The following SLC28A1 variants were observed in gnomAD, a reference collection of about 807,000 sequenced individuals.
SLC28A1 encodes sodium/nucleoside cotransporter 1.
SLC28A1 carries 64 observed loss-of-function variants against 74.8 expected under a neutral mutation model. The observed-to-expected ratio is 0.86, with a 90% CI of 0.70 to 1.05. The LOEUF (loss-of-function observed/expected upper bound fraction) is 1.05. Ranked by LOEUF, SLC28A1 falls within the 50% of genes least tolerant of loss-of-function variation. SLC28A1 has a pLI of 0.00. For missense variants in SLC28A1, 828 were observed against 822.8 expected (o/e 1.01, Z -0.08); for synonymous variants, 359 against 335.0 (o/e 1.07, Z -0.78).
rs1971526788 is a variant in SLC28A1, at chr15:84,933,328, G to T, written c.1214+53G>T. ...AGGGTAGTGGTACAAGGTGGGGGGA[G>T]CAAAGCAGAGGGTCCCGTTCTCTCT... On this transcript the variant is annotated intron_variant, in intron 13 of 18. Transcript: ENST00000394573. The T allele has an allele frequency of 4.4e-6, 7 of 1,594,752 alleles. No homozygotes were observed. In the South Asian group the frequency reaches 7.8e-5, roughly 18 times the overall value.
chr15:84,902,734 T>G (rs1966807784), intron 6 of SLC28A1, among the ~76,000 whole-genome samples: 1 of 150,650 alleles, frequency 6.6e-6, no homozygotes, highest in Admixed American at 6.6e-5. Context: ...CATTTAAGTT[T>G]TTTTTTTTTT....
chr15:84,895,427 A>G, intron 6 of SLC28A1: 1 of 1,613,946 alleles, frequency 6.2e-7, no homozygotes, highest in Non-Finnish European at 8.5e-7. Flanking sequence ...CCTCCCTCAG[A>G]TCACCTGGAC....
the SLC28A1 span, among the ~76,000 whole-genome samples, chr15:84,962,123 G>A: frequency 6.6e-6 from 1 of 152,074 alleles, no homozygotes; most frequent in Non-Finnish European, 1.5e-5. Context: ...CACCCAGGCT[G>A]GAGTGCAATG....
the SLC28A1 span, among the ~76,000 whole-genome samples, chr15:84,956,468 C>CTTTCT: frequency 3.0e-5 from 2 of 67,126 alleles, no homozygotes; most frequent in Non-Finnish European, 6.8e-5. Context: ...TCTTTCTTTC[C>CTTTCT]TTCTTTCTTT....
At chr15:84,946,112 A>ATATATATATTTTTTTTTT (rs57190791), downstream of SLC28A1, among the ~76,000 whole-genome samples, 4 of 13,474 alleles carry the variant, frequency 3.0e-4, no homozygotes, top group Non-Finnish European at 3.5e-4. Flanking sequence ...ATATATATAT[A>ATATATATATTTTTTTTTT]TTTTTTTTTT....
At chr15:84,964,528 G>A in the SLC28A1 span, among the ~76,000 whole-genome samples, 10 of 152,200 alleles carry the variant, frequency 6.6e-5, no homozygotes, top group African/African-American at 2.2e-4. Flanking sequence ...ATAGAAAATG[G>A]TTTACATGAT....
intron 7 of SLC28A1, among the ~76,000 whole-genome samples, chr15:84,904,770 GATGTGTACTAAATTCTGATGTGTACT>G (rs1453235479): frequency 3.6e-4 from 1 of 2,768 alleles, no homozygotes; most frequent in Non-Finnish European, 6.7e-4. Flanking sequence ...GCACAATTCT[GATGTGTACTAAATTCTGATGTGTACT>G]AAATTCTGAT....
At chr15:84,946,774 G>A (rs1165392757), downstream of SLC28A1, among the ~76,000 whole-genome samples, 2 of 152,052 alleles carry the variant, frequency 1.3e-5, no homozygotes, top group Non-Finnish European at 2.9e-5. Context: ...GGTGAGGCCC[G>A]ATGTCCCTCC....
At chr15:84,942,032 T>G (rs1231009308) in intron 15 of SLC28A1, among the ~76,000 whole-genome samples, 3 of 152,166 alleles carry the variant, frequency 2.0e-5, no homozygotes, top group African/African-American at 7.2e-5. Context: ...CTTGTAACTA[T>G]ATTTATTATC....
At chr15:84,960,887 C>T in the SLC28A1 span, among the ~76,000 whole-genome samples, 3 of 151,992 alleles carry the variant, frequency 2.0e-5, no homozygotes, top group South Asian at 4.2e-4. Context: ...GAGTTTTGAG[C>T]GACAACAGTG....
chr15:84,894,817 G>C, intron 5 of SLC28A1, 123 bp from the exon 6 acceptor site: 1 of 915,004 alleles, frequency 1.1e-6, no homozygotes, highest in Admixed American at 1.8e-5. Flanking sequence ...GGCTCAGTGA[G>C]GTTGGGTGAC....
intron 6 of SLC28A1, among the ~76,000 whole-genome samples, chr15:84,896,391 C>T (rs1314601308): frequency 1.3e-5 from 2 of 152,180 alleles, no homozygotes; most frequent in Non-Finnish European, 2.9e-5. Context: ...CAATAAGATA[C>T]CACTTCATAT....
At chr15:84,901,411 G>A (rs1171460880) in intron 6 of SLC28A1, among the ~76,000 whole-genome samples, 1 of 152,162 alleles carries the variant, frequency 6.6e-6, no homozygotes, top group Non-Finnish European at 1.5e-5. Context: ...GGAGACTGAG[G>A]CAGGAGAATT....
chr15:84,906,257 C>A (rs540327852), intron 8 of SLC28A1, among the ~76,000 whole-genome samples: 9 of 151,068 alleles, frequency 6.0e-5, no homozygotes, highest in Admixed American at 2.0e-4. Flanking sequence ...TGACCTCAGA[C>A]GATTCGCTTG....
intron 9 of SLC28A1, among the ~76,000 whole-genome samples, chr15:84,917,769 A>G (rs1437223858): frequency 6.6e-6 from 1 of 152,158 alleles, no homozygotes; most frequent in East Asian, 1.9e-4. Flanking sequence ...GTCTTCCACT[A>G]AAAGACCTCT....
chr15:84,914,363 AG>A (rs1308636269), intron 9 of SLC28A1, among the ~76,000 whole-genome samples: 1 of 152,198 alleles, frequency 6.6e-6, no homozygotes, highest in Non-Finnish European at 1.5e-5. Flanking sequence ...ATATGAATTT[AG>A]GGGGACACAG....
At chr15:84,927,947 C>T (rs1271826668) in intron 12 of SLC28A1, among the ~76,000 whole-genome samples, 1 of 152,058 alleles carries the variant, frequency 6.6e-6, no homozygotes, top group Non-Finnish European at 1.5e-5. Flanking sequence ...GAACTTAGGG[C>T]TTTAAATGTC....
rs1465486378 is a variant in SLC28A1, at chr15:84,944,572, T to C, written c.1670T>C (p.Met557Thr). The C allele has an allele frequency of 1.9e-6, 3 of 1,612,818 alleles. No homozygotes were observed. Among genetic ancestry groups the C allele is most frequent in the African/African-American group, 2.7e-5 (2 of 74,928 alleles). The change falls in exon 17 of 19, where the codon ATG (methionine) becomes ACG (threonine). Residue 557 changes from methionine (M) to threonine (T), a missense_variant. Transcript: ENST00000394573. ...IGIMLGGLTS[M>T]VPQRKSDFSQ... ...CACTTCTGTCCCCTTGCAGCCTCCA[T>C]GGTCCCCCAACGGAAGAGCGACTTC...
chr15:84,891,671 C>T (rs570052724), intron 5 of SLC28A1, among the ~76,000 whole-genome samples: 7 of 152,266 alleles, frequency 4.6e-5, no homozygotes, highest in Non-Finnish European at 7.4e-5. Context: ...CCATGTCCAC[C>T]GATTTAGGGA....
Sources: gnomAD v4.1 joint callset for allele counts (sites outside exome capture counted in the v4.1 genomes callset) on GRCh38, gnomAD v4.1.1 for gene constraint, MANE v1.5 for transcripts, NCBI Gene and HGNC (gene_info 2026-07-23, HGNC 2026-07-21) for gene names.